CLPX: variants seen among roughly 807,000 people sequenced by gnomAD.
CLPX encodes ATP-dependent clpX-like chaperone, mitochondrial.
In CLPX, 34 loss-of-function variants were observed where a neutral mutation model predicts 76.4. The observed-to-expected ratio is 0.45, with a 90% CI of 0.34 to 0.59. The LOEUF is 0.59. CLPX is among the 20% of genes least tolerant of loss of function. The probability of loss-of-function intolerance (pLI) is 0.01; values close to 1 mark genes in which losing one functional copy is unlikely to be tolerated. For synonymous variants in CLPX, 248 were observed against 270.9 expected, an observed-to-expected ratio of 0.92 and a Z score of 0.83; for missense variants, 613 against 757.0, an observed-to-expected ratio of 0.81 and a Z score of 2.23.
intron 3 of CLPX, among the ~76,000 whole-genome samples, chr15:65,170,421 C>T (rs1181832587): frequency 1.3e-5 from 2 of 152,134 alleles, no homozygotes; most frequent in African/African-American, 4.8e-5. Flanking sequence ...AGCACACCTA[C>T]GTCTTTACAA....
At chr15:65,182,326 G>T (rs1346365900) in intron 1 of CLPX, among the ~76,000 whole-genome samples, 3 of 151,918 alleles carry the variant, frequency 2.0e-5, no homozygotes, top group African/African-American at 7.3e-5. Context: ...GATCTTCTCA[G>T]AATAATATTT....
At chr15:65,166,331 T>C (rs1288593465) in intron 4 of CLPX, among the ~76,000 whole-genome samples, 2 of 152,110 alleles carry the variant, frequency 1.3e-5, no homozygotes, top group African/African-American at 2.4e-5. Context: ...AAATCAGAAG[T>C]TGCTTGCTCT....
At chr15:65,182,969 C>A (rs1384494254) in intron 1 of CLPX, among the ~76,000 whole-genome samples, 1 of 148,960 alleles carries the variant, frequency 6.7e-6, no homozygotes, top group Non-Finnish European at 1.5e-5. Context: ...TGGAGTCCAG[C>A]CTGACGAACA....
chr15:65,175,872 G>A (rs2088084808), intron 3 of CLPX, among the ~76,000 whole-genome samples: 1 of 152,146 alleles, frequency 6.6e-6, no homozygotes, highest in African/African-American at 2.4e-5. Context: ...TTTATTATGG[G>A]TACACAAAAC....
At chr15:65,163,953 GA>G in intron 5 of CLPX, 75 bp downstream of exon 5, 3 of 1,319,656 alleles carry the variant, frequency 2.3e-6, no homozygotes, top group Non-Finnish European at 3.2e-6. Flanking sequence ...ATTTTAAGAA[GA>G]AAGTGAGGAG....
At chr15:65,176,923 T>C (rs1407216875) in intron 3 of CLPX, among the ~76,000 whole-genome samples, 1 of 151,938 alleles carries the variant, frequency 6.6e-6, no homozygotes, top group East Asian at 1.9e-4. Flanking sequence ...CTATAAAGGT[T>C]GAAATGTTTC....
rs1032496660 is a variant in CLPX at position 65,179,196 on chromosome 15, T to C, written c.241-145A>G. The C allele has an allele frequency of 1.1e-5, 6 of 528,648 alleles. No homozygotes were observed. The African/African-American group carries it at 1.1e-4, about 10-fold the overall frequency. 32.7% of individuals were successfully genotyped at this position (528,648 alleles called of 1,614,324 possible). ...ATTATTAGTATATTTTATAATTCTA[T>C]TACTGGTGTCAGAAGATCTATTTAC... is the stretch of plus-strand genomic sequence containing the variant. On this transcript the variant is annotated intron_variant, in intron 2 of 13. Coordinates refer to ENST00000300107, the MANE Select transcript of CLPX (RefSeq NM_006660.5).
chr15:65,150,865 T>C lies in CLPX; in HGVS notation c.1860A>G (p.Glu620=), dbSNP rs2087711049. The C allele has an allele frequency of 6.2e-7, 1 of 1,613,422 alleles. No individual in the cohort carries two copies. Among genetic ancestry groups the C allele is most frequent in the Non-Finnish European group, 8.5e-7 (1 of 1,179,638 alleles). The stretch of plus-strand genomic sequence containing the variant: ...CTGCTTGGCGGGGCCATCCTTCTTC[T>C]TCAACTCCAGAGTCATACTCCTCTT... The part of the protein sequence containing the change: ...SSEEEYDSGV[E]EEGWPRQADA... The change falls in exon 14 of 14, where the codon GAA becomes GAG. Residue 620 remains glutamate, a synonymous_variant. Transcript: ENST00000300107.
chr15:65,185,015 T>C lies in CLPX; in HGVS notation c.79+60A>G, dbSNP rs574857238. 948 of 1,401,268 alleles carry C rather than the reference T, an allele frequency of 6.8e-4. 17 individuals are homozygous for C. In the South Asian group the frequency reaches 0.011, roughly 16 times the overall value. 86.8% of individuals were successfully genotyped at this position (1,401,268 alleles called of 1,614,324 possible). ...GTGCCCTCCCCGGGGCCCCCAACCA[T>C]TGGCCAGTCCACCCCCCCCCCGACA... On this transcript the variant is annotated intron_variant, in intron 1 of 13. Coordinates refer to ENST00000300107, the MANE Select transcript of CLPX (RefSeq NM_006660.5).
intron 11 of CLPX, 199 bp downstream of exon 11, chr15:65,154,583 T>C (rs969978801): frequency 3.7e-6 from 2 of 540,914 alleles, no homozygotes; most frequent in African/African-American, 1.9e-5. Flanking sequence ...ATGATGGTTT[T>C]AATTCAGAAA....
chr15:65,165,227 C>G (rs1309387934), intron 4 of CLPX, among the ~76,000 whole-genome samples: 1 of 151,990 alleles, frequency 6.6e-6, no homozygotes, highest in Admixed American at 6.6e-5. Flanking sequence ...ACTGTGGAGG[C>G]TGAAGTGGGA....
At chr15:65,167,890 A>G (rs1566983004) in intron 3 of CLPX, among the ~76,000 whole-genome samples, 1 of 151,762 alleles carries the variant, frequency 6.6e-6, no homozygotes, top group Non-Finnish European at 1.5e-5. Flanking sequence ...TCCATCTCAG[A>G]AAAAAATATA....
Position 65,162,594 on chromosome 15 carries a change from A to C in CLPX, c.715+10T>G. The C allele has an allele frequency of 1.3e-6, 2 of 1,570,402 alleles. No individual in the cohort carries two copies. Among genetic ancestry groups the C allele is most frequent in the Non-Finnish European group, 1.7e-6 (2 of 1,143,860 alleles). ...AGAATGATTACAGAGGAGGACCTGA[A>C]GTCACTTACTTGTAAATCTGTACTC... On this transcript the variant is annotated intron_variant, in intron 6 of 13. Transcript: ENST00000300107.
rs541908746 is a variant in CLPX at position 65,181,617 on chromosome 15, G to GTTT, written c.80-1414_80-1413insAAA. On this transcript the variant is annotated intron_variant, in intron 1 of 13. Transcript: ENST00000300107. ...AAGATACAAAAAGTAGCCAGGCGTG[G>GTTT]TGACAGGTGCCTGTAATCCCAGCTA... Among the ~76,000 whole-genome samples the GTTT allele has an allele frequency of 2.4e-3, 358 of 152,002 alleles. 3 individuals carry two copies. The highest frequency in any genetic ancestry group is 8.4e-3 in the African/African-American group (348 of 41,454).
chr15:65,184,488 T>C (rs2088226287), intron 1 of CLPX: 1 of 152,480 alleles, frequency 6.6e-6, no homozygotes, highest in Non-Finnish European at 1.5e-5. Context: ...GGGGCTTGCC[T>C]GACGCCGGGA....
chr15:65,178,763 T>C (rs1303669865), intron 3 of CLPX, among the ~76,000 whole-genome samples, 171 bp downstream of exon 3: 5 of 151,472 alleles, frequency 3.3e-5, no homozygotes, highest in African/African-American at 1.2e-4. Context: ...CTTGAACTCC[T>C]AGGCTCAAGG....
intron 3 of CLPX, among the ~76,000 whole-genome samples, chr15:65,175,991 C>G (rs2140645003): frequency 6.6e-6 from 1 of 152,332 alleles, no homozygotes; most frequent in South Asian, 2.1e-4. Context: ...TCTGAATCAA[C>G]ACATTTGCTA....
chr15:65,154,994 T>C lies in CLPX; in HGVS notation c.1399A>G (p.Asn467Asp), dbSNP rs1221472214. Residue 467 changes from asparagine to aspartate, a missense_variant, in exon 11 of 14, where the codon AAT becomes GAT. Asn to Asp is a conservative substitution (Grantham distance 23). Transcript: ENST00000300107. ...ADLANRSGES[N>D]THQDIEEKDR... ...TTTTCTTCAATGTCTTGGTGAGTAT[T>C]CGATTCCCCACTTCGATTAGCAAGG... The C allele has an allele frequency of 6.2e-7, 1 of 1,614,010 alleles. No homozygotes were observed. Among genetic ancestry groups the C allele is most frequent in the Non-Finnish European group, 8.5e-7 (1 of 1,180,022 alleles).
chr15:65,160,051 G>T (rs554338661), intron 6 of CLPX, among the ~76,000 whole-genome samples: 129 of 152,228 alleles, frequency 8.5e-4, no homozygotes, highest in Non-Finnish European at 1.4e-3. Context: ...GACTTCAGGT[G>T]ATCCACCCGC....
Sources: allele counts gnomAD v4.1 joint callset (sites outside exome capture counted in the v4.1 genomes callset), GRCh38; gene constraint gnomAD v4.1.1; transcripts MANE v1.5; gene names NCBI Gene and HGNC (gene_info 2026-07-23, HGNC 2026-07-21).